Variants in ZBTB16 observed in about 807,000 individuals in gnomAD.
ZBTB16 encodes the protein zinc finger and BTB domain containing 16.
In ZBTB16, 8 loss-of-function variants were observed where a neutral mutation model predicts 56.8. That is an observed-to-expected ratio of 0.14 (90% CI 0.08 to 0.25). ZBTB16 has a LOEUF of 0.25. Among genes scored for constraint, ZBTB16 ranks in the 10% least tolerant of loss-of-function variants. ZBTB16 has a pLI of 1.00. For missense variants in ZBTB16, 625 were observed against 903.0 expected (o/e 0.69, Z 3.95); for synonymous variants, 363 against 368.5 (o/e 0.98, Z 0.17).
chr11:114,144,711 C>T (rs867452880), intron 2 of ZBTB16, among the ~76,000 whole-genome samples: 25 of 152,268 alleles, frequency 1.6e-4, no homozygotes, highest in African/African-American at 4.1e-4. Context: ...TTTGTTCATG[C>T]GTTTATGTTT....
rs1183584597 is a variant in ZBTB16 at position 114,253,135 on chromosome 11, T to G, written c.*2580T>G. 6.6e-6 allele frequency among the ~76,000 whole-genome samples: 1 copy of G among 152,268 alleles called. No individual in the cohort carries two copies. Among genetic ancestry groups the G allele is most frequent in the Admixed American group, 6.5e-5 (1 of 15,302 alleles). On this transcript the variant is annotated 3_prime_UTR_variant, in exon 7 of 7. Coordinates refer to ENST00000335953, the MANE Select transcript of ZBTB16 (RefSeq NM_006006.6). ...GGGACTGGCTGGCCCTCAGGGGATC[T>G]GTAAATCCCAGAAAACAGTATTTTT... is the stretch of plus-strand genomic sequence containing the variant.
chr11:114,143,993 A>G lies in ZBTB16; in HGVS notation c.1269-12344A>G, dbSNP rs1204096096. ...CGTGTAAGGAGCAAGAGGAGCACGCAAGCTGCCTGGTGCTTTTCCCCATGA... is the reference window on the plus strand; with the variant it reads ...CGTGTAAGGAGCAAGAGGAGCACGCGAGCTGCCTGGTGCTTTTCCCCATGA... On this transcript the variant is annotated intron_variant, in intron 2 of 6. Transcript: ENST00000335953. This position sits in a 1 kb window ranked among gnomAD's most constrained non-coding sequence, Gnocchi z 6.4. 1.3e-5 allele frequency among the ~76,000 whole-genome samples: 2 copies of G among 152,138 alleles called. No individual in the cohort carries two copies. Among genetic ancestry groups the G allele is most frequent in the African/African-American group, 4.8e-5 (2 of 41,420 alleles).
chr11:114,162,362 T>C (rs1260285266), intron 3 of ZBTB16, among the ~76,000 whole-genome samples: 1 of 152,194 alleles, frequency 6.6e-6, no homozygotes, highest in African/African-American at 2.4e-5. Flanking sequence ...ACAGAGAAGA[T>C]GGGGGAAGAG....
intron 4 of ZBTB16, among the ~76,000 whole-genome samples, chr11:114,218,484 A>C (rs1033801581): frequency 6.6e-6 from 1 of 151,794 alleles, no homozygotes. Flanking sequence ...CTCCCTCTAC[A>C]CCCTCCTCCA....
chr11:114,233,036 C>T (rs1944473509), intron 4 of ZBTB16, among the ~76,000 whole-genome samples: 1 of 146,720 alleles, frequency 6.8e-6, no homozygotes, highest in South Asian at 2.2e-4. Context: ...AACTCATCCC[C>T]GGCCCCACCC....
chr11:114,218,466 T>TGG (rs1441812943), intron 4 of ZBTB16, among the ~76,000 whole-genome samples: 3 of 152,024 alleles, frequency 2.0e-5, no homozygotes, highest in Non-Finnish European at 2.9e-5. Context: ...TTGGGATGGG[T>TGG]GGCCGCTCTC....
chr11:114,243,543 C>G (rs1315673778), intron 5 of ZBTB16, among the ~76,000 whole-genome samples: 1 of 152,150 alleles, frequency 6.6e-6, no homozygotes, highest in East Asian at 1.9e-4. Context: ...CAGATTTGCA[C>G]AGAACTACTT....
At chr11:114,104,304 C>T (rs1940713262) in intron 2 of ZBTB16, among the ~76,000 whole-genome samples, 1 of 152,054 alleles carries the variant, frequency 6.6e-6, no homozygotes. Flanking sequence ...AAGTAAATAC[C>T]AAGCATGTGC....
intron 2 of ZBTB16, among the ~76,000 whole-genome samples, chr11:114,100,784 C>A (rs945013072): frequency 2.0e-5 from 3 of 152,210 alleles, no homozygotes; most frequent in Admixed American, 2.0e-4. Flanking sequence ...GGGATACTTA[C>A]AAACTTACCG....
intron 2 of ZBTB16, among the ~76,000 whole-genome samples, chr11:114,071,258 T>C (rs1939337209): frequency 6.4e-5 from 2 of 31,126 alleles, no homozygotes; most frequent in Non-Finnish European, 1.1e-4. Flanking sequence ...TTTTTTTTTT[T>C]TTAAAATACT....
Position 114,063,281 on chromosome 11 carries a change from C to A in ZBTB16, c.-20C>A. ...GCCCAGAAGGAAAGAAAGCCTCATG[C>A]CTGAGCCGAGGGGAGCACCATGGAT... On this transcript the variant is annotated 5_prime_UTR_variant, in exon 2 of 7. Coordinates refer to ENST00000335953, the MANE Select transcript of ZBTB16 (RefSeq NM_006006.6). The surrounding 1 kb of genome is among the most constrained non-coding windows in gnomAD (Gnocchi z 6.5). 1 of 1,612,776 alleles carries A rather than the reference C, an allele frequency of 6.2e-7. No individual in the cohort carries two copies. Among genetic ancestry groups the A allele is most frequent in the Non-Finnish European group, 8.5e-7 (1 of 1,179,780 alleles).
At chr11:114,234,369 T>C (rs571505169) in intron 4 of ZBTB16, among the ~76,000 whole-genome samples, 23 of 152,306 alleles carry the variant, frequency 1.5e-4, no homozygotes, top group African/African-American at 5.5e-4. Context: ...CTAATTGAGT[T>C]TGAGACAAGT....
intron 2 of ZBTB16, among the ~76,000 whole-genome samples, chr11:114,109,402 C>T (rs1416023492): frequency 1.3e-5 from 2 of 152,222 alleles, no homozygotes; most frequent in African/African-American, 4.8e-5. Flanking sequence ...CCTCACATCT[C>T]AGATTCTTGC....
At chr11:114,134,805 C>T (rs944660302) in intron 2 of ZBTB16, among the ~76,000 whole-genome samples, 5 of 152,066 alleles carry the variant, frequency 3.3e-5, no homozygotes, top group African/African-American at 1.2e-4. Flanking sequence ...GAAATGGAAC[C>T]AGAGAGAGAA....
chr11:114,105,817 T>C (rs1737995817), intron 2 of ZBTB16, among the ~76,000 whole-genome samples: 1 of 152,228 alleles, frequency 6.6e-6, no homozygotes, highest in Non-Finnish European at 1.5e-5. Context: ...AAGAGACATT[T>C]GGACAGTAGT....
chr11:114,156,281 C>T, intron 2 of ZBTB16, 56 bp from the exon 3 acceptor site: 1 of 1,583,894 alleles, frequency 6.3e-7, no homozygotes, highest in Middle Eastern at 1.7e-4. Context: ...TAGGGGATGG[C>T]CCTGCCTCTT....
At chr11:114,062,634 A>C (rs2137649229) in intron 1 of ZBTB16, among the ~76,000 whole-genome samples, 1 of 152,358 alleles carries the variant, frequency 6.6e-6, no homozygotes, top group South Asian at 2.1e-4. Flanking sequence ...GTGAGAGGAT[A>C]GCCTTTGCGG....
At chr11:114,145,751 CA>C (rs1186651515) in intron 2 of ZBTB16, among the ~76,000 whole-genome samples, 10 of 152,088 alleles carry the variant, frequency 6.6e-5, no homozygotes, top group African/African-American at 2.4e-4. Flanking sequence ...GAATATGCTA[CA>C]AACCAGTGAA....
At chr11:114,229,566 T>C (rs1163607574) in intron 4 of ZBTB16, among the ~76,000 whole-genome samples, 2 of 152,228 alleles carry the variant, frequency 1.3e-5, no homozygotes, top group Admixed American at 1.3e-4. Flanking sequence ...ACTCTCACTT[T>C]CTGTGATTTC....
Sources: allele counts gnomAD v4.1 joint callset (sites outside exome capture counted in the v4.1 genomes callset), GRCh38; gene constraint gnomAD v4.1.1; non-coding constraint Gnocchi (gnomAD v3.1); transcripts MANE v1.5; gene names NCBI Gene and HGNC (gene_info 2026-07-23, HGNC 2026-07-21).